MIB2: variants seen among roughly 807,000 people sequenced by gnomAD.
MIB2 encodes E3 ubiquitin-protein ligase MIB2.
Under a neutral mutation model 96.6 loss-of-function variants are expected in MIB2, and 78 were observed. The observed-to-expected ratio is 0.81, with a 90% CI of 0.67 to 0.97. MIB2 has a LOEUF of 0.97. Among genes scored for constraint, MIB2 ranks in the 50% least tolerant of loss-of-function variants. MIB2 has a pLI of 0.00. For synonymous variants in MIB2, 820 were observed against 629.5 expected (o/e 1.30, Z -4.53); for missense variants, 1,543 against 1,424.0 (o/e 1.08, Z -1.35).
chr1:1,626,739 G>A lies in MIB2; in HGVS notation c.1062G>A (p.Thr354=), dbSNP rs772789020. The A allele has an allele frequency of 1.4e-5, 22 of 1,594,682 alleles. No individual in the cohort carries two copies. The highest frequency in any genetic ancestry group is 1.7e-4 in the Middle Eastern group (1 of 5,990). ...KRLQAGHGEW[T]DDMAPALGRV... is the part of the protein sequence containing the mutation. ...TGCAGGCTGGGCATGGCGAGTGGAC[G>A]GACGACATGGCCCCTGTGAGTCCCC... Residue 354 remains threonine, a synonymous_variant, in exon 9 of 20, where the codon ACG becomes ACA. Coordinates refer to ENST00000355826, the MANE Select transcript of MIB2 (RefSeq NM_001170687.4). This position sits in a 1 kb window ranked among gnomAD's most constrained non-coding sequence, Gnocchi z 5.3.
chr1:1,622,909 G>A (rs1381553910), intron 2 of MIB2, among the ~76,000 whole-genome samples: 1 of 152,168 alleles, frequency 6.6e-6, no homozygotes, highest in African/African-American at 2.4e-5. Context: ...CGTGTTTGCC[G>A]TTTTTCTGTT....
rs754286220 is a variant in MIB2 at position 1,626,698 on chromosome 1, G to A, written c.1021G>A (p.Asp341Asn). 15 of 1,601,064 alleles carry A rather than the reference G, an allele frequency of 9.4e-6. No homozygotes were observed. In the South Asian group the frequency reaches 1.6e-4, roughly 17 times the overall value. Residue 341 changes from aspartate to asparagine, a missense_variant, in exon 9 of 20, where the codon GAC becomes AAC. Asp to Asn is a conservative substitution (Grantham distance 23, BLOSUM62 1). Transcript: ENST00000355826. This position sits in a 1 kb window ranked among gnomAD's most constrained non-coding sequence, Gnocchi z 5.3. ...GDVVRVIGDL[D>N]TVKRLQAGHG... Reference sequence around the variant, plus strand: ...CGTGGTCCGGGTCATCGGCGACCTTGACACAGTGAAGCGGCTGCAGGCTGG... The same window carrying A: ...CGTGGTCCGGGTCATCGGCGACCTTAACACAGTGAAGCGGCTGCAGGCTGG...
Position 1,625,828 on chromosome 1 carries a change from G to T in MIB2, c.972+175G>T, listed in dbSNP as rs1242352117. 1 of 608,926 alleles carries T rather than the reference G, an allele frequency of 1.6e-6. No individual in the cohort carries two copies. Among genetic ancestry groups the T allele is most frequent in the Non-Finnish European group, 2.9e-6 (1 of 343,670 alleles). 37.7% of individuals were successfully genotyped at this position (608,926 alleles called of 1,614,324 possible). On this transcript the variant is annotated intron_variant, in intron 8 of 19. Transcript: ENST00000355826. This position sits in a 1 kb window ranked among gnomAD's most constrained non-coding sequence, Gnocchi z 5.0. ...AGGTGGGTGGGGTCAAGGAGAAGAG[G>T]GGGTTGGGTGTGAAGGAACCCAGAG... is the stretch of plus-strand genomic sequence containing the variant.
At chr1:1,619,901 G>A (rs1205542701) in intron 2 of MIB2, among the ~76,000 whole-genome samples, 2 of 152,216 alleles carry the variant, frequency 1.3e-5, no homozygotes, top group African/African-American at 2.4e-5. Flanking sequence ...GAGCTGCCTG[G>A]CTGTGCTAAA....
At position 1,626,647 on chromosome 1, in the gene MIB2, C is replaced by T; in HGVS notation, c.973-3C>T. The T allele has an allele frequency of 1.3e-6, 2 of 1,559,356 alleles. No homozygotes were observed. The highest frequency in any genetic ancestry group is 1.2e-5 in the South Asian group (1 of 82,622). Reference sequence around the variant, plus strand: ...GCCCCTCACGCCCCTCTTTGTCGCTCAGCACCACTCCTTCTGGGTGGGCGA... The same window carrying T: ...GCCCCTCACGCCCCTCTTTGTCGCTTAGCACCACTCCTTCTGGGTGGGCGA... On this transcript the variant is annotated splice_polypyrimidine_tract_variant and splice_region_variant and intron_variant, in intron 8 of 19. Coordinates refer to ENST00000355826, the MANE Select transcript of MIB2 (RefSeq NM_001170687.4). The surrounding 1 kb of genome is among the most constrained non-coding windows in gnomAD (Gnocchi z 5.3).
chr1:1,622,975 G>A lies in MIB2; in HGVS notation c.-22-456G>A, dbSNP rs192273264. The stretch of plus-strand genomic sequence containing the variant: ...GGAGTTCCTCGCCCTGTGTGGACAC[G>A]AGTCCTCTGAGGGACGCGTGTCACG... On this transcript the variant is annotated intron_variant, in intron 2 of 19. Coordinates refer to ENST00000355826, the MANE Select transcript of MIB2 (RefSeq NM_001170687.4). 4.6e-3 allele frequency: 1,033 copies of A among 226,498 alleles called. 4 individuals carry two copies. Among genetic ancestry groups the A allele is most frequent in the Non-Finnish European group, 5.5e-3 (638 of 116,742 alleles). The allele number at this position is 226,498 out of a possible 1,614,324, so 14.0% of individuals were successfully genotyped here.
In MIB2 at chr1:1,625,064, C is replaced by T. The variant is rs753396588; in HGVS notation, c.600C>T (p.Ser200=). The change falls in exon 6 of 20, where the codon AGC becomes AGT. Residue 200 remains serine (S), a synonymous_variant. Coordinates refer to ENST00000355826, the MANE Select transcript of MIB2 (RefSeq NM_001170687.4). This position sits in a 1 kb window ranked among gnomAD's most constrained non-coding sequence, Gnocchi z 5.0. The part of the protein sequence containing the change: ...WDVETGRSVA[S]VTWADGTTNV... ...TGGAGACAGGCCGGAGTGTGGCCAG[C>T]GTGACGTGGGCTGATGGTACCACCA... 2.7e-5 allele frequency: 43 copies of T among 1,613,104 alleles called. No individual in the cohort carries two copies. The East Asian group carries it at 7.4e-4, about 28-fold the overall frequency.
chr1:1,617,787 A>G (rs1283585069), intron 2 of MIB2: 3 of 152,190 alleles, frequency 2.0e-5, no homozygotes, highest in Non-Finnish European at 4.4e-5. Context: ...TGCCTCCATC[A>G]TTTTAAACAT....
upstream of MIB2, chr1:1,615,123 G>A (rs1325918664): frequency 1.2e-5 from 4 of 337,348 alleles, no homozygotes; most frequent in Non-Finnish European, 2.2e-5. Context: ...CCAACTCTGG[G>A]GTGCAGAACC....
intron 12 of MIB2, 39 bp downstream of exon 12, chr1:1,627,483 TGTGCGTCCTGGG>T: frequency 1.3e-6 from 2 of 1,558,476 alleles, no homozygotes; most frequent in Non-Finnish European, 1.7e-6. Context: ...GGGCTGAGCC[TGTGCGTCCTGGG>T]GTGAGGCCTG....
chr1:1,621,192 G>GTGC, intron 2 of MIB2, among the ~76,000 whole-genome samples: 2 of 152,238 alleles, frequency 1.3e-5, no homozygotes, highest in African/African-American at 4.8e-5. Flanking sequence ...GAGGCCCCGC[G>GTGC]AGGGGAATAG....
chr1:1,627,597 G>A lies in MIB2; in HGVS notation c.1524-76G>A, dbSNP rs901259946. On this transcript the variant is annotated intron_variant, in intron 12 of 19. Coordinates refer to ENST00000355826, the MANE Select transcript of MIB2 (RefSeq NM_001170687.4). ...GGCTGAGCCTGTGCGTCCTGGGGTC[G>A]GGCCTGGCGGGGCTGAGCCTGTGCG... The A allele has an allele frequency of 2.2e-5, 33 of 1,512,190 alleles. No homozygotes were observed. The highest frequency in any genetic ancestry group is 2.8e-5 in the African/African-American group (2 of 71,902). 93.7% of individuals were successfully genotyped at this position (1,512,190 alleles called of 1,614,324 possible).
rs137872844 is a variant in MIB2 at position 1,617,164 on chromosome 1, G to A, written c.-23+550G>A. On this transcript the variant is annotated intron_variant, in intron 2 of 19. Coordinates refer to ENST00000355826, the MANE Select transcript of MIB2 (RefSeq NM_001170687.4). The stretch of plus-strand genomic sequence containing the variant: ...TGGGGCACCTGGGATGTCCATCTGC[G>A]TTAGCTGGAGCTACTCCATGGCCTG... 6.4e-5 allele frequency: 10 copies of A among 156,678 alleles called. No homozygotes were observed. In the South Asian group the frequency reaches 9.9e-4, roughly 16 times the overall value. 9.7% of individuals were successfully genotyped at this position (156,678 alleles called of 1,614,324 possible).
chr1:1,624,115 G>A (rs1218109201), intron 4 of MIB2, 170 bp downstream of exon 4: 1 of 815,442 alleles, frequency 1.2e-6, no homozygotes, highest in African/African-American at 1.7e-5. Flanking sequence ...ACAGAGGGTG[G>A]CCTCTGGGTG....
Position 1,627,803 on chromosome 1 carries a change from G to T in MIB2, c.1654G>T (p.Glu552Ter). ...GFLEVVRALC[E>*]RGCDVNLPDA... is the part of the protein sequence containing the mutation. ...CCTGGAGGTGGTGCGGGCCCTGTGT[G>T]AGCGCGGCTGTGACGTCAACCTGCC... is the stretch of plus-strand genomic sequence containing the variant. The change falls in exon 13 of 20, where the codon GAG (glutamate) becomes TAG (stop). Residue 552 changes from glutamate (E) to a stop codon, truncating the protein, a stop_gained. Transcript: ENST00000355826. LOFTEE classifies it high-confidence loss of function. The T allele has an allele frequency of 6.3e-7, 1 of 1,599,196 alleles. No individual in the cohort carries two copies.
At chr1:1,614,473 T>G (rs1471623720), upstream of MIB2, 4 of 152,232 alleles carry the variant, frequency 2.6e-5, no homozygotes, top group East Asian at 7.7e-4. Context: ...CAAAACAACT[T>G]TTGTGAGCTC....
In MIB2 at chr1:1,626,617, G is replaced by C; in HGVS notation, c.973-33G>C. The C allele has an allele frequency of 2.7e-6, 4 of 1,498,846 alleles. No homozygotes were observed. The highest frequency in any genetic ancestry group is 3.6e-6 in the Non-Finnish European group (4 of 1,121,270). The allele number at this position is 1,498,846 out of a possible 1,614,324, so 92.8% of individuals were successfully genotyped here. On this transcript the variant is annotated intron_variant, in intron 8 of 19. Transcript: ENST00000355826. The surrounding 1 kb of genome is among the most constrained non-coding windows in gnomAD (Gnocchi z 5.3). ...TGAGCCTGGGCAGCCACACACAGCT[G>C]GGGGGCCCCTCACGCCCCTCTTTGT... is the stretch of plus-strand genomic sequence containing the variant.
rs370373980 is a variant in MIB2, at chr1:1,624,971, G to T, written c.527-20G>T. 6.4e-4 allele frequency: 1,028 copies of T among 1,607,470 alleles called. 1 individual carries two copies. The highest frequency in any genetic ancestry group is 1.4e-3 in the South Asian group (125 of 90,588). On this transcript the variant is annotated intron_variant, in intron 5 of 19. Coordinates refer to ENST00000355826, the MANE Select transcript of MIB2 (RefSeq NM_001170687.4). ...GCTCATGGCTCAGCCTTAGCCTGCT[G>T]GGGGGGCCTCTTTCCCCAGGAGGGG...
In MIB2 at chr1:1,629,130, C is replaced by T; in HGVS notation, c.2203-3C>T. ...CCTCACCGGCGTCTGTCCTGCCGCC[C>T]AGCTACAGGCCTCGGGCCTCCCCGG... On this transcript the variant is annotated splice_polypyrimidine_tract_variant and splice_region_variant and intron_variant, in intron 16 of 19. Coordinates refer to ENST00000355826, the MANE Select transcript of MIB2 (RefSeq NM_001170687.4). 2.0e-6 allele frequency: 3 copies of T among 1,481,964 alleles called. No homozygotes were observed. The highest frequency in any genetic ancestry group is 2.7e-6 in the Non-Finnish European group (3 of 1,125,920). 91.8% of individuals were successfully genotyped at this position (1,481,964 alleles called of 1,614,324 possible).
Sources: gnomAD v4.1 joint callset for allele counts (sites outside exome capture counted in the v4.1 genomes callset) on GRCh38, gnomAD v4.1.1 for gene constraint, Gnocchi (gnomAD v3.1) non-coding constraint, MANE v1.5 for transcripts, NCBI Gene and HGNC (gene_info 2026-07-23, HGNC 2026-07-21) for gene names.